GYS1: variants seen among roughly 807,000 people sequenced by gnomAD.
GYS1 encodes glycogen [starch] synthase, muscle.
A neutral mutation model predicts 89.1 loss-of-function variants in GYS1; 60 were observed. The observed-to-expected ratio is 0.67, with a 90% CI of 0.55 to 0.84. The LOEUF (loss-of-function observed/expected upper bound fraction) is 0.84. Ranked by LOEUF, GYS1 falls within the 40% of genes least tolerant of loss-of-function variation. GYS1 has a pLI of 0.00. For missense variants in GYS1, 888 were observed against 1,003.1 expected (o/e 0.89, Z 1.55); for synonymous variants, 366 against 401.7 (o/e 0.91, Z 1.06).
At chr19:48,979,759 G>T (rs1014976888) in intron 8 of GYS1, among the ~76,000 whole-genome samples, 3 of 148,432 alleles carry the variant, frequency 2.0e-5, no homozygotes, top group Non-Finnish European at 4.4e-5. Context: ...CGATTCTCCT[G>T]CTTAGCCTCT....
chr19:48,992,027 T>A (rs1406574115), intron 1 of GYS1, among the ~76,000 whole-genome samples: 1 of 151,922 alleles, frequency 6.6e-6, no homozygotes, highest in East Asian at 1.9e-4. Context: ...CAATTTCCTC[T>A]CCCTGACTAG....
intron 7 of GYS1, 127 bp from the exon 8 acceptor site, chr19:48,981,763 C>T: frequency 1.5e-6 from 1 of 672,492 alleles, no homozygotes; most frequent in Non-Finnish European, 2.7e-6. Context: ...ATAGGACAGT[C>T]CCCACCTGGA....
intron 14 of GYS1, chr19:48,970,143 A>G (rs1328337481): frequency 2.0e-6 from 1 of 508,072 alleles, no homozygotes; most frequent in African/African-American, 1.9e-5. Context: ...TTTCTTTTTA[A>G]ACACGGTCTT....
intron 2 of GYS1, among the ~76,000 whole-genome samples, chr19:48,989,677 G>A (rs914387968): frequency 1.3e-5 from 2 of 151,802 alleles, no homozygotes; most frequent in Non-Finnish European, 2.9e-5. Context: ...CTCTCACCTC[G>A]GCCTCCCAAA....
At chr19:48,977,259 C>T (rs2038669493) in intron 10 of GYS1, among the ~76,000 whole-genome samples, 1 of 152,136 alleles carries the variant, frequency 6.6e-6, no homozygotes, top group African/African-American at 2.4e-5. Flanking sequence ...GCATGAGCCA[C>T]CACACCTGGC....
chr19:48,990,488 C>G (rs1402180370), intron 2 of GYS1, among the ~76,000 whole-genome samples: 1 of 152,170 alleles, frequency 6.6e-6, no homozygotes, highest in Non-Finnish European at 1.5e-5. Flanking sequence ...GCTCCATCCA[C>G]CCTTCTCCCT....
chr19:48,993,064 C>T lies in GYS1; in HGVS notation c.49G>A (p.Asp17Asn). The change falls in exon 1 of 16, where the codon GAC (aspartate) becomes AAC (asparagine). Residue 17 changes from aspartate (D) to asparagine (N), a missense_variant. By Grantham distance (23) the Asp-to-Asn change is conservative. Transcript: ENST00000323798. ...LSMSSLPGLE[D>N]WEDEFDLENA... ...TCCAGGTCGAATTCATCCTCCCAGT[C>T]CTCCAGTCCTGGCAGTGAGGACATG... 6.2e-7 allele frequency: 1 copy of T among 1,613,502 alleles called. No homozygotes were observed. The highest frequency in any genetic ancestry group is 1.3e-5 in the African/African-American group (1 of 75,048).
chr19:48,984,392 C>T (rs1199979616), intron 5 of GYS1, among the ~76,000 whole-genome samples: 1 of 99,320 alleles, frequency 1.0e-5, no homozygotes, highest in Non-Finnish European at 1.9e-5. Flanking sequence ...AGATATTCAA[C>T]ACTTTTTTTT....
At chr19:48,970,845 G>C in intron 13 of GYS1, 83 bp downstream of exon 13, 1 of 1,406,552 alleles carries the variant, frequency 7.1e-7, no homozygotes. Flanking sequence ...TGGTCTCCAA[G>C]GGTGCAAGCT....
At chr19:48,989,928 C>T (rs550657265) in intron 2 of GYS1, among the ~76,000 whole-genome samples, 54 of 148,776 alleles carry the variant, frequency 3.6e-4, no homozygotes, top group African/African-American at 1.3e-3. Flanking sequence ...TCCTCGCCGA[C>T]CTGGCTTTTT....
intron 6 of GYS1, among the ~76,000 whole-genome samples, 159 bp downstream of exon 6, chr19:48,982,561 C>A (rs545380827): frequency 6.6e-6 from 1 of 152,056 alleles, no homozygotes; most frequent in Non-Finnish European, 1.5e-5. Flanking sequence ...AATCCTGAGC[C>A]CATTGTTCCA....
chr19:48,970,653 T>G lies in GYS1; in HGVS notation c.1702A>C (p.Thr568Pro), dbSNP rs1600130338. Residue 568 changes from threonine (T) to proline (P), a missense_variant, in exon 14 of 16, where the codon ACC becomes CCC. Thr to Pro is a conservative substitution (Grantham distance 38). Transcript: ENST00000323798. ...TGACAGAAACTGTAGAGGAAGGAGG[T>G]GAGCTGCGAGCAGGAATCATCCAGG... ...RSLDDSCSQL[T>P]SFLYSFCQQS... 1.9e-6 allele frequency: 3 copies of G among 1,608,840 alleles called. No homozygotes were observed. The highest frequency in any genetic ancestry group is 1.7e-6 in the Non-Finnish European group (2 of 1,175,756).
At chr19:48,990,002 G>C (rs1286751408) in intron 2 of GYS1, among the ~76,000 whole-genome samples, 1 of 146,426 alleles carries the variant, frequency 6.8e-6, no homozygotes, top group Non-Finnish European at 1.5e-5. Flanking sequence ...TTTTGCTGGG[G>C]GGGGGGGGGG....
At chr19:48,969,921 G>A in intron 14 of GYS1, 66 bp from the exon 15 acceptor site, 5 of 1,110,850 alleles carry the variant, frequency 4.5e-6, no homozygotes, top group Non-Finnish European at 6.9e-6. Context: ...GCAGATGATG[G>A]GGGTCTTGGC....
intron 12 of GYS1, among the ~76,000 whole-genome samples, chr19:48,971,249 GA>G (rs772398926): frequency 2.6e-5 from 4 of 152,214 alleles, no homozygotes; most frequent in Admixed American, 6.5e-5. Context: ...CAAGATGCGG[GA>G]AAGTCCATAG....
chr19:48,992,184 A>G (rs373703166), intron 1 of GYS1, among the ~76,000 whole-genome samples: 7 of 152,046 alleles, frequency 4.6e-5, no homozygotes, highest in African/African-American at 1.7e-4. Flanking sequence ...TGGGAGACAC[A>G]GTCCCTTTCT....
In GYS1 at chr19:48,974,741, AG is replaced by A. The variant is rs757043966; in HGVS notation, c.1309-9del. ...AGGGGGGAAAGACTGCCGCTGCAGGAGCCACAAGAAGGGTAAGGGGTCATGG... is the reference window on the plus strand; with the variant it reads ...AGGGGGGAAAGACTGCCGCTGCAGGACCACAAGAAGGGTAAGGGGTCATGG... On this transcript the variant is annotated splice_polypyrimidine_tract_variant and intron_variant, in intron 10 of 15. Transcript: ENST00000323798. 2.5e-5 allele frequency: 40 copies of A among 1,579,524 alleles called. No individual in the cohort carries two copies. Among genetic ancestry groups the A allele is most frequent in the Non-Finnish European group, 3.5e-5 (40 of 1,148,872 alleles).
rs188242288 is a variant in GYS1, at chr19:48,982,166, T to A, written c.1062+89A>T. 8.1e-5 allele frequency: 112 copies of A among 1,374,234 alleles called. No individual in the cohort carries two copies. In the African/African-American group the frequency reaches 1.2e-3, roughly 14 times the overall value. The allele number at this position is 1,374,234 out of a possible 1,614,324, so 85.1% of individuals were successfully genotyped here. A position where few individuals can be genotyped will look rare whatever the true frequency, so the allele number is the denominator to read the frequency against. ...CCTTGGCCTCCAAAAGTGTTGGGAT[T>A]ACAGGTGTGAGCCACTGTGCCTGGC... On this transcript the variant is annotated intron_variant, in intron 7 of 15. Coordinates refer to ENST00000323798, the MANE Select transcript of GYS1 (RefSeq NM_002103.5).
chr19:48,977,477 C>T (rs2038674249), intron 10 of GYS1, among the ~76,000 whole-genome samples: 1 of 151,930 alleles, frequency 6.6e-6, no homozygotes, highest in Non-Finnish European at 1.5e-5. Flanking sequence ...CCTGTAATCC[C>T]AGGTACTTGG....
Sources: allele counts gnomAD v4.1 joint callset (sites outside exome capture counted in the v4.1 genomes callset), GRCh38; gene constraint gnomAD v4.1.1; transcripts MANE v1.5; gene names NCBI Gene and HGNC (gene_info 2026-07-23, HGNC 2026-07-21).